The following THSD4 variants were observed in gnomAD, a reference collection of about 807,000 sequenced individuals.
THSD4 encodes the protein thrombospondin type-1 domain-containing protein 4.
In THSD4, 69 loss-of-function variants were observed where a neutral mutation model predicts 119.0. The observed-to-expected ratio is 0.58, with a 90% CI of 0.48 to 0.71. THSD4 has a LOEUF of 0.71. Ranked by LOEUF, THSD4 falls within the 30% of genes least tolerant of loss-of-function variation. THSD4 has a pLI of 0.00. For missense variants in THSD4, 1,393 were observed against 1,391.1 expected (o/e 1.00, Z -0.02); for synonymous variants, 524 against 540.4 (o/e 0.97, Z 0.42).
chr15:71,097,871 T>A (rs979476318), intron 1 of THSD4, among the ~76,000 whole-genome samples: 33 of 151,954 alleles, frequency 2.2e-4, no homozygotes, highest in Non-Finnish European at 4.1e-4. Context: ...TGAGGCAAGT[T>A]TTTTGCCAAA....
At chr15:71,681,403 G>C (rs537305735) in intron 8 of THSD4, among the ~76,000 whole-genome samples, 6 of 151,948 alleles carry the variant, frequency 3.9e-5, no homozygotes, top group African/African-American at 9.7e-5. Flanking sequence ...CACACTGGGC[G>C]TGGTGGCTCA....
chr15:71,194,792 T>C (rs1039152749), intron 3 of THSD4, among the ~76,000 whole-genome samples: 1 of 152,334 alleles, frequency 6.6e-6, no homozygotes, highest in Admixed American at 6.5e-5. Context: ...GGCTCCCACC[T>C]GCACTGTTGG....
chr15:71,214,891 A>C, intron 3 of THSD4, 144 bp from the exon 4 acceptor site: 1 of 1,184,236 alleles, frequency 8.4e-7, no homozygotes, highest in Non-Finnish European at 1.0e-6. Flanking sequence ...AACCGACTCT[A>C]AGCCAGGCTG....
chr15:71,214,090 C>CTG (rs1181958570), intron 3 of THSD4, among the ~76,000 whole-genome samples: 31 of 144,774 alleles, frequency 2.1e-4, no homozygotes, highest in African/African-American at 7.8e-4. Flanking sequence ...AATCAGCACT[C>CTG]TGTAAAAACA....
chr15:71,607,728 A>T (rs942251999), intron 7 of THSD4, among the ~76,000 whole-genome samples: 1 of 152,172 alleles, frequency 6.6e-6, no homozygotes, highest in African/African-American at 2.4e-5. Context: ...ACATGAGGGC[A>T]TGTGGAAGGG....
chr15:71,245,653 T>C lies in THSD4; in HGVS notation c.912+2557T>C, dbSNP rs148604904. On this transcript the variant is annotated intron_variant, in intron 5 of 17. Transcript: ENST00000261862. ...AATGACTTGTTATAACATGTAAAAG[T>C]TCTATACCAGAGAAGTCTCCCCTGT... 2.0e-5 allele frequency among the ~76,000 whole-genome samples: 3 copies of C among 152,316 alleles called. No homozygotes were observed. In the East Asian group the frequency reaches 5.8e-4, roughly 29 times the overall value.
intron 5 of THSD4, among the ~76,000 whole-genome samples, chr15:71,250,026 C>G (rs867027776): frequency 6.6e-6 from 1 of 152,178 alleles, no homozygotes; most frequent in Non-Finnish European, 1.5e-5. Context: ...CCTTCCTTTG[C>G]AAGGTTAGAA....
chr15:71,155,027 C>A, intron 3 of THSD4, 95 bp downstream of exon 3: 1 of 1,139,320 alleles, frequency 8.8e-7, no homozygotes, highest in Non-Finnish European at 1.3e-6. Flanking sequence ...GAAGGTGAGT[C>A]ACCACTGATC....
chr15:71,438,074 C>A (rs372800243), intron 7 of THSD4, among the ~76,000 whole-genome samples: 1 of 152,194 alleles, frequency 6.6e-6, no homozygotes. Context: ...CCTTCACTTA[C>A]GTGCCCTAAG....
At chr15:71,474,289 G>A (rs1221701062) in intron 7 of THSD4, among the ~76,000 whole-genome samples, 4 of 151,806 alleles carry the variant, frequency 2.6e-5, no homozygotes, top group Non-Finnish European at 5.9e-5. Flanking sequence ...GCGTGATCTC[G>A]GCTCACTGCA....
intron 8 of THSD4, among the ~76,000 whole-genome samples, chr15:71,682,856 CTT>C (rs2051814592): frequency 6.0e-5 from 1 of 16,530 alleles, no homozygotes; most frequent in African/African-American, 2.1e-4. Context: ...TCTTTTGCTA[CTT>C]TCTTTCTTTC....
At chr15:71,768,735 T>C (rs1448324771) in intron 16 of THSD4, among the ~76,000 whole-genome samples, 3 of 150,616 alleles carry the variant, frequency 2.0e-5, no homozygotes, top group Non-Finnish European at 4.4e-5. Context: ...CGGCTAATTT[T>C]TTTGTATTTT....
intron 7 of THSD4, among the ~76,000 whole-genome samples, chr15:71,654,524 A>C (rs1028352751): frequency 2.6e-5 from 4 of 152,350 alleles, no homozygotes; most frequent in Admixed American, 6.5e-5. Context: ...AATTCCTAGA[A>C]GAAGAATTTA....
At chr15:71,474,288 C>T (rs1401241631) in intron 7 of THSD4, among the ~76,000 whole-genome samples, 1 of 151,968 alleles carries the variant, frequency 6.6e-6, no homozygotes, top group Non-Finnish European at 1.5e-5. Flanking sequence ...GGCGTGATCT[C>T]GGCTCACTGC....
chr15:71,242,876 C>T lies in THSD4; in HGVS notation c.692C>T (p.Pro231Leu), dbSNP rs2044165273. 8 of 1,614,210 alleles carry T rather than the reference C, an allele frequency of 5.0e-6. No individual in the cohort carries two copies. The East Asian group carries it at 1.1e-4, about 22-fold the overall frequency. Residue 231 changes from proline (P) to leucine (L), a missense_variant, in exon 5 of 18, where the codon CCT becomes CTT. Transcript: ENST00000261862. ...CCTTTGTACCAAAGTGACAGTGGCC[C>T]TCGCTCTGGACTGCAGGCTGCGGAG... is the stretch of plus-strand genomic sequence containing the variant. ...HGPLYQSDSG[P>L]RSGLQAAEAP... is the part of the protein sequence containing the mutation.
intron 8 of THSD4, among the ~76,000 whole-genome samples, chr15:71,689,311 GC>G (rs778828586): frequency 6.6e-6 from 1 of 152,184 alleles, no homozygotes; most frequent in Non-Finnish European, 1.5e-5. Context: ...CTGTGAAGGG[GC>G]AGGGGAGAGA....
chr15:71,602,015 A>T (rs905697595), intron 7 of THSD4, among the ~76,000 whole-genome samples: 1 of 152,132 alleles, frequency 6.6e-6, no homozygotes, highest in African/African-American at 2.4e-5. Flanking sequence ...ACTTCACATG[A>T]TGTAGGAGGT....
chr15:71,340,007 C>T (rs951025303), intron 6 of THSD4, among the ~76,000 whole-genome samples: 7 of 152,118 alleles, frequency 4.6e-5, no homozygotes, highest in Non-Finnish European at 7.4e-5. Flanking sequence ...TCAGGTGATC[C>T]GCCCACCTTG....
At chr15:71,533,377 T>C (rs953561060) in intron 7 of THSD4, among the ~76,000 whole-genome samples, 1 of 152,206 alleles carries the variant, frequency 6.6e-6, no homozygotes, top group African/African-American at 2.4e-5. Flanking sequence ...GAAATCCCCT[T>C]TTGTAACTTT....
Sources: gnomAD v4.1 joint callset for allele counts (sites outside exome capture counted in the v4.1 genomes callset) on GRCh38, gnomAD v4.1.1 for gene constraint, MANE v1.5 for transcripts, NCBI Gene and HGNC (gene_info 2026-07-23, HGNC 2026-07-21) for gene names.